Variants in OTUD7A observed in about 807,000 individuals in gnomAD.
OTUD7A encodes the protein OTU deubiquitinase 7A.
A neutral mutation model predicts 65.7 loss-of-function variants in OTUD7A; 12 were observed. That is an observed-to-expected ratio of 0.18 (90% confidence interval 0.12 to 0.30). The LOEUF (loss-of-function observed/expected upper bound fraction) is 0.30. OTUD7A is among the 10% of genes least tolerant of loss of function. The probability of loss-of-function intolerance (pLI) is 1.00; values close to 1 mark genes in which losing one functional copy is unlikely to be tolerated. For synonymous variants in OTUD7A, 641 were observed against 586.3 expected, an observed-to-expected ratio of 1.09 and a Z score of -1.35; for missense variants, 1,148 against 1,304.8, an observed-to-expected ratio of 0.88 and a Z score of 1.85.
chr15:31,801,483 C>G (rs528012161), intron 1 of OTUD7A, among the ~76,000 whole-genome samples: 3 of 152,370 alleles, frequency 2.0e-5, no homozygotes, highest in African/African-American at 7.2e-5. Flanking sequence ...TGAGCTGCCA[C>G]TATCTAGGCC....
At chr15:31,761,732 T>C (rs1465439665) in intron 1 of OTUD7A, among the ~76,000 whole-genome samples, 1 of 152,188 alleles carries the variant, frequency 6.6e-6, no homozygotes, top group African/African-American at 2.4e-5. Context: ...GCATTACTCA[T>C]ATTAGCCAAA....
chr15:31,580,510 T>C (rs1161155885), intron 3 of OTUD7A, among the ~76,000 whole-genome samples: 1 of 152,222 alleles, frequency 6.6e-6, no homozygotes, highest in Non-Finnish European at 1.5e-5. Context: ...TGGACACCTG[T>C]ATTAGTCTGT....
intron 1 of OTUD7A, among the ~76,000 whole-genome samples, chr15:31,778,456 T>C (rs1031452338): frequency 6.6e-6 from 1 of 152,200 alleles, no homozygotes; most frequent in Admixed American, 6.5e-5. Flanking sequence ...AAAATTTCCA[T>C]TTACCTAACG....
At chr15:31,630,672 A>T (rs1435876435) in intron 3 of OTUD7A, among the ~76,000 whole-genome samples, 4 of 152,156 alleles carry the variant, frequency 2.6e-5, no homozygotes, top group East Asian at 1.9e-4. Context: ...GATCTGTCTA[A>T]CATTGACAGT....
At chr15:31,864,442 G>C (rs976486127) in intron 1 of OTUD7A, among the ~76,000 whole-genome samples, 1 of 152,150 alleles carries the variant, frequency 6.6e-6, no homozygotes, top group Admixed American at 6.5e-5. Flanking sequence ...AATTACGGCA[G>C]GGAGCGAAAG....
At chr15:31,850,463 G>A (rs1897394296) in intron 1 of OTUD7A, among the ~76,000 whole-genome samples, 4 of 152,106 alleles carry the variant, frequency 2.6e-5, no homozygotes, top group Admixed American at 2.6e-4. Context: ...TAATGTAAAT[G>A]ATGAGTTAAT....
chr15:31,789,662 T>C (rs957439706), intron 1 of OTUD7A, among the ~76,000 whole-genome samples: 15 of 151,856 alleles, frequency 9.9e-5, no homozygotes, highest in Non-Finnish European at 1.9e-4. Context: ...AAATTGCAGT[T>C]ACTGGGAGGG....
chr15:31,674,390 A>T (rs1262608400), intron 1 of OTUD7A, among the ~76,000 whole-genome samples: 1 of 152,222 alleles, frequency 6.6e-6, no homozygotes, highest in Non-Finnish European at 1.5e-5. Flanking sequence ...GACAGGAATG[A>T]CATGCTTTAG....
At chr15:31,576,558 A>G (rs914303419) in intron 3 of OTUD7A, among the ~76,000 whole-genome samples, 3 of 152,152 alleles carry the variant, frequency 2.0e-5, no homozygotes, top group Non-Finnish European at 4.4e-5. Flanking sequence ...CGTCTTACAC[A>G]TATTGATTGA....
intron 8 of OTUD7A, among the ~76,000 whole-genome samples, chr15:31,525,888 C>A (rs1270278962): frequency 6.6e-6 from 1 of 152,222 alleles, no homozygotes; most frequent in Non-Finnish European, 1.5e-5. Context: ...GCTTAATGAG[C>A]TTCTGCTTTC....
intron 1 of OTUD7A, among the ~76,000 whole-genome samples, chr15:31,777,786 C>A (rs1368674619): frequency 6.6e-6 from 1 of 152,150 alleles, no homozygotes; most frequent in African/African-American, 2.4e-5. Context: ...GTTCTGGGGG[C>A]AGCCCACAAA....
intron 1 of OTUD7A, among the ~76,000 whole-genome samples, chr15:31,807,171 T>A (rs1481560273): frequency 6.6e-6 from 1 of 152,170 alleles, no homozygotes; most frequent in African/African-American, 2.4e-5. Context: ...ATAAGCTCAA[T>A]AGAGTCAATA....
chr15:31,819,791 A>G (rs1230141303), intron 1 of OTUD7A, among the ~76,000 whole-genome samples: 1 of 151,892 alleles, frequency 6.6e-6, no homozygotes, highest in East Asian at 1.9e-4. Flanking sequence ...AAGTCGTTAT[A>G]TATTATGTCA....
At chr15:31,842,152 G>A (rs187484846) in intron 1 of OTUD7A, among the ~76,000 whole-genome samples, 1 of 152,254 alleles carries the variant, frequency 6.6e-6, no homozygotes, top group Non-Finnish European at 1.5e-5. Flanking sequence ...CATGCATCCT[G>A]CATGGTCCCA....
intron 3 of OTUD7A, among the ~76,000 whole-genome samples, chr15:31,589,970 A>G (rs1889669071): frequency 6.6e-6 from 1 of 152,188 alleles, no homozygotes; most frequent in South Asian, 2.1e-4. Context: ...TTGGTTATAT[A>G]TATATCAACT....
At chr15:31,630,870 C>T (rs368582058) in intron 3 of OTUD7A, among the ~76,000 whole-genome samples, 6 of 152,258 alleles carry the variant, frequency 3.9e-5, no homozygotes, top group East Asian at 1.9e-4. Context: ...TTGATCTTTG[C>T]TGGTTTAAAG....
Position 31,481,331 on chromosome 15 carries a change from C to T in OTUD7A, c.*1963G>A, listed in dbSNP as rs1002035042. ...GAGTGGCTGGCATCCACACCTGAAG[C>T]AACACTTTCTGTGATCCCACAGCTT... On this transcript the variant is annotated 3_prime_UTR_variant, in exon 13 of 13. Transcript: ENST00000307050. 1 of 152,218 alleles carries T rather than the reference C, an allele frequency of 6.6e-6. No individual in the cohort carries two copies. The highest frequency in any genetic ancestry group is 1.5e-5 in the Non-Finnish European group (1 of 68,042). The allele number at this position is 152,218 out of a possible 1,614,324, so 9.4% of individuals were successfully genotyped here.
chr15:31,590,080 T>G (rs1383909640), intron 3 of OTUD7A, among the ~76,000 whole-genome samples: 3 of 152,208 alleles, frequency 2.0e-5, no homozygotes, highest in Admixed American at 2.0e-4. Context: ...CATACAATGG[T>G]ATTCTCACAA....
At chr15:31,519,665 G>GA (rs1244823957) in intron 8 of OTUD7A, among the ~76,000 whole-genome samples, 1 of 151,948 alleles carries the variant, frequency 6.6e-6, no homozygotes, top group Non-Finnish European at 1.5e-5. Context: ...TCAGGCAAGA[G>GA]AAAAAAACAA....
Sources: gnomAD v4.1 joint callset for allele counts (sites outside exome capture counted in the v4.1 genomes callset) on GRCh38, gnomAD v4.1.1 for gene constraint, MANE v1.5 for transcripts, NCBI Gene and HGNC (gene_info 2026-07-23, HGNC 2026-07-21) for gene names.